HIPK3: variants seen among roughly 807,000 people sequenced by gnomAD.
The protein encoded by HIPK3 is homeodomain-interacting protein kinase 3.
Under a neutral mutation model 124.2 loss-of-function variants are expected in HIPK3, and 47 were observed. That is an observed-to-expected ratio of 0.38 (90% confidence interval 0.30 to 0.48). The LOEUF (loss-of-function observed/expected upper bound fraction) is 0.48. Among genes scored for constraint, HIPK3 ranks in the 20% least tolerant of loss-of-function variants. The pLI, the probability that HIPK3 is intolerant of heterozygous loss-of-function variation, is 0.98. For synonymous variants in HIPK3, 482 were observed against 515.2 expected, an observed-to-expected ratio of 0.94 and a Z score of 0.87; for missense variants, 1,286 against 1,454.3, an observed-to-expected ratio of 0.88 and a Z score of 1.88.
intron 2 of HIPK3, among the ~76,000 whole-genome samples, chr11:33,320,755 C>T (rs896583336): frequency 9.2e-5 from 14 of 152,216 alleles, no homozygotes; most frequent in African/African-American, 2.4e-4. Context: ...ACAGAATTGT[C>T]GTTTACTGAC....
At chr11:33,327,944 G>A (rs1852859955) in intron 2 of HIPK3, among the ~76,000 whole-genome samples, 1 of 152,118 alleles carries the variant, frequency 6.6e-6, no homozygotes. Flanking sequence ...TTTTAACTAT[G>A]TTGTTATATG....
chr11:33,262,829 T>C (rs1416908758), intron 1 of HIPK3, among the ~76,000 whole-genome samples: 1 of 152,180 alleles, frequency 6.6e-6, no homozygotes, highest in East Asian at 1.9e-4. Flanking sequence ...TTTATTTTTT[T>C]CATTTACAGA....
chr11:33,258,838 C>T, intron 1 of HIPK3: 1 of 596,372 alleles, frequency 1.7e-6, no homozygotes, highest in African/African-American at 2.0e-5. Flanking sequence ...CAACCTCTTA[C>T]TGCCCTGTTA....
chr11:33,311,871 A>G (rs1345893603), intron 2 of HIPK3, among the ~76,000 whole-genome samples: 2 of 35,124 alleles, frequency 5.7e-5, no homozygotes, highest in African/African-American at 1.9e-4. Flanking sequence ...CACACACACT[A>G]CACACACACA....
In HIPK3 at chr11:33,341,057, G is replaced by A. The variant is rs1853317260; in HGVS notation, c.1703G>A (p.Arg568Lys). 6.2e-7 allele frequency: 1 copy of A among 1,611,934 alleles called. No homozygotes were observed. Residue 568 changes from arginine (R) to lysine (K), a missense_variant, in exon 7 of 17, where the codon AGA becomes AAA. By Grantham distance (26) the Arg-to-Lys change is conservative. Coordinates refer to ENST00000303296, the MANE Select transcript of HIPK3 (RefSeq NM_005734.5). ...AATCACAACAAAACTTCACTTTTAA[G>A]ACCAGTTGCTTCAAGCAGTACTGCT... is the stretch of plus-strand genomic sequence containing the variant. ...TNNHNKTSLL[R>K]PVASSSTATL... is the part of the protein sequence containing the mutation.
Position 33,257,851 on chromosome 11 carries a change from CG to C in HIPK3, c.-39del. The C allele has an allele frequency of 1.0e-6, 1 of 985,736 alleles. No homozygotes were observed. Among genetic ancestry groups the C allele is most frequent in the Non-Finnish European group, 1.2e-6 (1 of 830,194 alleles). 61.1% of individuals were successfully genotyped at this position (985,736 alleles called of 1,614,324 possible). A position where few individuals can be genotyped will look rare whatever the true frequency, so the allele number is the denominator to read the frequency against. On this transcript the variant is annotated 5_prime_UTR_variant, in exon 1 of 17. It removes the in-frame stop codon of an upstream open reading frame in the 5' UTR. Transcript: ENST00000303296. ...CCCACCCCGGACATGCTCAGGGCTG[CG>C]GCCGCCCGAAGAGGAGAGAGCGCGG...
chr11:33,337,986 A>T (rs1853208505), intron 4 of HIPK3, among the ~76,000 whole-genome samples: 1 of 152,052 alleles, frequency 6.6e-6, no homozygotes, highest in African/African-American at 2.4e-5. Flanking sequence ...TCCTTCTTTA[A>T]GAAGAAAGCC....
Position 33,347,410 on chromosome 11 carries a change from C to T in HIPK3, c.2015C>T (p.Ser672Phe), listed in dbSNP as rs2133996677. The T allele has an allele frequency of 1.2e-6, 2 of 1,613,468 alleles. No homozygotes were observed. Among genetic ancestry groups the T allele is most frequent in the Non-Finnish European group, 1.7e-6 (2 of 1,179,884 alleles). The change falls in exon 9 of 17, where the codon TCT becomes TTT. Residue 672 changes from serine (S) to phenylalanine (F), a missense_variant. By Grantham distance (155) the Ser-to-Phe change is radical. Around this residue, in one of 3 missense-constraint regions of HIPK3, gnomAD observed 810 missense variants for 864.9 expected, o/e 0.94. Transcript: ENST00000303296. ...CTACAGATCCGACCAGGAGTTCTTTCTCAGGTTGGTAATAATTCATTCTTT... is the reference window on the plus strand; with the variant it reads ...CTACAGATCCGACCAGGAGTTCTTTTTCAGGTTGGTAATAATTCATTCTTT... ...QPLQIRPGVL[S>F]QTWSGRTQQM... is the part of the protein sequence containing the mutation.
At chr11:33,263,526 G>C (rs1056261571) in intron 1 of HIPK3, among the ~76,000 whole-genome samples, 2 of 152,030 alleles carry the variant, frequency 1.3e-5, no homozygotes, top group African/African-American at 4.8e-5. Flanking sequence ...ATGTTGTCCA[G>C]GGTGGTCTCA....
intron 8 of HIPK3, among the ~76,000 whole-genome samples, chr11:33,344,076 T>A (rs1438233804): frequency 1.3e-5 from 2 of 152,224 alleles, no homozygotes; most frequent in African/African-American, 4.8e-5. Flanking sequence ...TAATATGTTT[T>A]CTACCCTAGA....
chr11:33,305,137 A>G (rs543327495), intron 2 of HIPK3, among the ~76,000 whole-genome samples: 2 of 152,260 alleles, frequency 1.3e-5, no homozygotes, highest in African/African-American at 4.8e-5. Flanking sequence ...AGTAGCTGGG[A>G]TTACAGGCTT....
intron 1 of HIPK3, chr11:33,258,792 AGTC>A: frequency 1.1e-6 from 1 of 899,574 alleles, no homozygotes; most frequent in Non-Finnish European, 1.3e-6. Context: ...GTTACAGAGT[AGTC>A]GTAACACGTT....
chr11:33,333,952 T>G (rs1169478573), intron 3 of HIPK3, among the ~76,000 whole-genome samples: 4 of 152,220 alleles, frequency 2.6e-5, no homozygotes, highest in Admixed American at 6.5e-5. Flanking sequence ...TGATGCAGCA[T>G]CTAGGCACCA....
intron 2 of HIPK3, among the ~76,000 whole-genome samples, chr11:33,293,028 C>T (rs1851742220): frequency 6.6e-6 from 1 of 152,220 alleles, no homozygotes; most frequent in African/African-American, 2.4e-5. Flanking sequence ...TGAGCCACCG[C>T]TCCCGGCCAA....
rs1850693311 is a variant in HIPK3 at position 33,257,384 on chromosome 11, G to A, written c.-508G>A. On this transcript the variant is annotated 5_prime_UTR_variant, in exon 1 of 17. Coordinates refer to ENST00000303296, the MANE Select transcript of HIPK3 (RefSeq NM_005734.5). ...GGGGCCCGAGGCTGGGGCGGCTGGT[G>A]GCAGCTGCCTCAGTGACGACTGCCG... is the stretch of plus-strand genomic sequence containing the variant. 1.0e-6 allele frequency: 1 copy of A among 985,052 alleles called. No individual in the cohort carries two copies. 61.0% of individuals were successfully genotyped at this position (985,052 alleles called of 1,614,324 possible). A position where few individuals can be genotyped will look rare whatever the true frequency, so the allele number is the denominator to read the frequency against.
intron 1 of HIPK3, among the ~76,000 whole-genome samples, chr11:33,275,612 T>C (rs1314837262): frequency 6.6e-6 from 1 of 152,204 alleles, no homozygotes; most frequent in Non-Finnish European, 1.5e-5. Context: ...TATTGTTATA[T>C]AGTTCTATTT....
intron 8 of HIPK3, among the ~76,000 whole-genome samples, chr11:33,346,646 A>G (rs1853502234): frequency 1.3e-5 from 2 of 152,218 alleles, no homozygotes; most frequent in Admixed American, 6.5e-5. Flanking sequence ...TCTTCTTTCC[A>G]TGTTCTTTAT....
intron 8 of HIPK3, among the ~76,000 whole-genome samples, chr11:33,342,705 G>A (rs1047523457): frequency 1.6e-4 from 25 of 152,070 alleles, no homozygotes; most frequent in African/African-American, 2.9e-4. Context: ...ACAGGCATGC[G>A]CCACCACGCC....
chr11:33,349,140 C>T lies in HIPK3; in HGVS notation c.2667-7C>T. On this transcript the variant is annotated splice_polypyrimidine_tract_variant and splice_region_variant and intron_variant, in intron 13 of 16. Coordinates refer to ENST00000303296, the MANE Select transcript of HIPK3 (RefSeq NM_005734.5). ...GACTCATGTTTTTCCCTTTTCTCTT[C>T]CACTAGATGTAAAGGTAGTCTAGAT... The T allele has an allele frequency of 6.2e-7, 1 of 1,608,802 alleles. No homozygotes were observed. Among genetic ancestry groups the T allele is most frequent in the Non-Finnish European group, 8.5e-7 (1 of 1,177,726 alleles).
Sources: allele counts gnomAD v4.1 joint callset (sites outside exome capture counted in the v4.1 genomes callset), GRCh38; gene constraint gnomAD v4.1.1; regional missense constraint gnomAD v4.1.1; transcripts MANE v1.5; gene names NCBI Gene and HGNC (gene_info 2026-07-23, HGNC 2026-07-21).